CDYL2: variants seen among roughly 807,000 people sequenced by gnomAD.
CDYL2 encodes chromodomain Y-like protein 2.
A neutral mutation model predicts 49.4 loss-of-function variants in CDYL2; 23 were observed. That is an observed-to-expected ratio of 0.47 (90% CI 0.34 to 0.66). CDYL2 has a LOEUF of 0.66. CDYL2 is among the 30% of genes least tolerant of loss of function. The pLI is 0.01. For synonymous variants in CDYL2, 360 were observed against 268.8 expected, an observed-to-expected ratio of 1.34 and a Z score of -3.32; for missense variants, 678 against 656.4, an observed-to-expected ratio of 1.03 and a Z score of -0.36.
intron 1 of CDYL2, among the ~76,000 whole-genome samples, chr16:80,717,059 T>TG (rs1275079220): frequency 6.7e-6 from 1 of 149,098 alleles, no homozygotes; most frequent in Non-Finnish European, 1.5e-5. Flanking sequence ...GATGGATAGA[T>TG]GGATGATTAA....
In CDYL2 at chr16:80,727,853, C is replaced by A. The variant is rs533927406; in HGVS notation, c.25-42724G>T. Among the ~76,000 whole-genome samples the A allele has an allele frequency of 2.6e-5, 4 of 152,266 alleles. No homozygotes were observed. In the East Asian group the frequency reaches 7.7e-4, roughly 29 times the overall value. Reference sequence around the variant, plus strand: ...AGCAGGGGCAGACTAACACCTCACACGGCCAGGTACTCCAACAGACTTGCA... The same window carrying A: ...AGCAGGGGCAGACTAACACCTCACAAGGCCAGGTACTCCAACAGACTTGCA... On this transcript the variant is annotated intron_variant, in intron 1 of 6. Transcript: ENST00000570137.
intron 1 of CDYL2, among the ~76,000 whole-genome samples, chr16:80,714,682 C>T (rs1479635141): frequency 6.6e-6 from 1 of 152,148 alleles, no homozygotes; most frequent in Non-Finnish European, 1.5e-5. Flanking sequence ...AAAATCCCAG[C>T]ATACCTTACA....
chr16:80,658,263 T>C (rs1908895049), intron 2 of CDYL2, among the ~76,000 whole-genome samples: 1 of 151,926 alleles, frequency 6.6e-6, no homozygotes, highest in African/African-American at 2.4e-5. Context: ...TGTTAAAACA[T>C]GTTAAGATAT....
intron 1 of CDYL2, among the ~76,000 whole-genome samples, chr16:80,800,771 G>C (rs1444704331): frequency 6.6e-6 from 1 of 152,102 alleles, no homozygotes; most frequent in Admixed American, 6.5e-5. Context: ...CACTGATTCA[G>C]TCAACAAGTA....
intron 6 of CDYL2, among the ~76,000 whole-genome samples, chr16:80,605,385 G>T (rs576036062): frequency 1.4e-5 from 2 of 147,522 alleles, no homozygotes; most frequent in Admixed American, 1.4e-4. Context: ...ATATAATTAT[G>T]TATATGTATT....
At chr16:80,628,322 T>G (rs1440805257) in intron 3 of CDYL2, 1 of 152,212 alleles carries the variant, frequency 6.6e-6, no homozygotes. Flanking sequence ...TGATGGCAGG[T>G]CATCTTCAGG....
chr16:80,712,061 GTATAGATGTGTGTA>G (rs1567580930), intron 1 of CDYL2, among the ~76,000 whole-genome samples: 4 of 146,746 alleles, frequency 2.7e-5, no homozygotes, highest in Non-Finnish European at 4.6e-5. Flanking sequence ...AGATGTGTGT[GTATAGATGTGTGTA>G]TATAGATGTG....
In CDYL2 at chr16:80,776,906, C is replaced by T. The variant is rs555435187; in HGVS notation, c.24+27244G>A. ...GATCTCGACTCACTGCAACTTCCGC[C>T]TCCCAGATTCAAGCCATTCTCCTGC... On this transcript the variant is annotated intron_variant, in intron 1 of 6. Transcript: ENST00000570137. Among the ~76,000 whole-genome samples the T allele has an allele frequency of 2.0e-5, 3 of 152,126 alleles. No individual in the cohort carries two copies. In the South Asian group the frequency reaches 6.2e-4, roughly 32 times the overall value.
At chr16:80,672,381 G>A (rs1311153641) in intron 2 of CDYL2, among the ~76,000 whole-genome samples, 2 of 146,800 alleles carry the variant, frequency 1.4e-5, no homozygotes, top group Non-Finnish European at 3.0e-5. Flanking sequence ...GAGTAGAACA[G>A]GCTTTCCCTT....
At chr16:80,700,127 G>A (rs1904293352) in intron 1 of CDYL2, among the ~76,000 whole-genome samples, 1 of 152,204 alleles carries the variant, frequency 6.6e-6, no homozygotes, top group African/African-American at 2.4e-5. Flanking sequence ...CCAAAGTGCT[G>A]GGATTACAGG....
chr16:80,666,481 A>G (rs1475535225), intron 2 of CDYL2, among the ~76,000 whole-genome samples: 4 of 152,162 alleles, frequency 2.6e-5, no homozygotes, highest in African/African-American at 9.6e-5. Context: ...AATGCCCTTC[A>G]TGGGGGAGGG....
intron 1 of CDYL2, among the ~76,000 whole-genome samples, chr16:80,750,314 T>C (rs1449750210): frequency 6.6e-6 from 1 of 151,680 alleles, no homozygotes; most frequent in African/African-American, 2.4e-5. Flanking sequence ...AAATATCATC[T>C]TGTTCCAAGT....
intron 1 of CDYL2, among the ~76,000 whole-genome samples, chr16:80,800,314 T>G (rs940020290): frequency 6.6e-6 from 1 of 152,052 alleles, no homozygotes; most frequent in Non-Finnish European, 1.5e-5. Flanking sequence ...TAAAATCGTC[T>G]CTCTTAGAAG....
At chr16:80,610,236 A>C (rs1001992148) in intron 5 of CDYL2, among the ~76,000 whole-genome samples, 5 of 152,120 alleles carry the variant, frequency 3.3e-5, no homozygotes, top group Admixed American at 3.3e-4. Context: ...ACAATGGGGG[A>C]TGGAACTGCA....
At chr16:80,620,702 G>T in intron 4 of CDYL2, 61 bp downstream of exon 4, 2 of 1,425,000 alleles carry the variant, frequency 1.4e-6, no homozygotes, top group Non-Finnish European at 1.9e-6. Flanking sequence ...TGAGCAGCCT[G>T]TATTTTTACT....
chr16:80,696,915 T>C (rs1433848747), intron 1 of CDYL2, among the ~76,000 whole-genome samples: 2 of 152,158 alleles, frequency 1.3e-5, no homozygotes, highest in African/African-American at 4.8e-5. Context: ...GAGAATCACC[T>C]GAAGTCAGGA....
intron 2 of CDYL2, among the ~76,000 whole-genome samples, chr16:80,652,357 T>C (rs1908620996): frequency 2.0e-5 from 3 of 152,152 alleles, no homozygotes; most frequent in Admixed American, 1.3e-4. Flanking sequence ...TGGCCAAAGA[T>C]GGAACAATTT....
intron 1 of CDYL2, among the ~76,000 whole-genome samples, chr16:80,781,073 G>T (rs988364517): frequency 2.6e-5 from 4 of 152,150 alleles, no homozygotes; most frequent in Non-Finnish European, 5.9e-5. Flanking sequence ...CCATAAAAAG[G>T]AAAGAGGATC....
intron 3 of CDYL2, among the ~76,000 whole-genome samples, chr16:80,624,546 A>T (rs1379584848): frequency 6.6e-6 from 1 of 152,210 alleles, no homozygotes; most frequent in Non-Finnish European, 1.5e-5. Flanking sequence ...TTACACAGGA[A>T]AAAAAACCCT....
Sources: allele counts gnomAD v4.1 joint callset (sites outside exome capture counted in the v4.1 genomes callset), GRCh38; gene constraint gnomAD v4.1.1; transcripts MANE v1.5; gene names NCBI Gene and HGNC (gene_info 2026-07-23, HGNC 2026-07-21).